The following ADAMTS9 variants were observed in gnomAD, a reference collection of about 807,000 sequenced individuals.
ADAMTS9 encodes the protein A disintegrin and metalloproteinase with thrombospondin motifs 9.
Under a neutral mutation model 257.1 loss-of-function variants are expected in ADAMTS9, and 107 were observed. The observed-to-expected ratio is 0.42, with a 90% CI of 0.36 to 0.49. ADAMTS9 has a LOEUF of 0.49. Ranked by LOEUF, ADAMTS9 falls within the 20% of genes least tolerant of loss-of-function variation. The pLI, the probability that ADAMTS9 is intolerant of heterozygous loss-of-function variation, is 0.03. For missense variants in ADAMTS9, 2,353 were observed against 2,469.1 expected, an observed-to-expected ratio of 0.95 and a Z score of 1.00; for synonymous variants, 982 against 880.9, an observed-to-expected ratio of 1.11 and a Z score of -2.03.
intron 3 of ADAMTS9, among the ~76,000 whole-genome samples, chr3:64,670,908 C>T (rs1701470055): frequency 1.3e-5 from 2 of 152,126 alleles, no homozygotes; most frequent in East Asian, 3.8e-4. Flanking sequence ...GGAAAGGATG[C>T]AGAGGAACTG....
At chr3:64,638,235 T>G (rs571769569) in intron 12 of ADAMTS9, among the ~76,000 whole-genome samples, 1 of 152,296 alleles carries the variant, frequency 6.6e-6, no homozygotes. Flanking sequence ...CGATTTTTGT[T>G]TTTGATGGAC....
At chr3:64,681,698 C>A (rs1450791598) in intron 2 of ADAMTS9, among the ~76,000 whole-genome samples, 1 of 152,170 alleles carries the variant, frequency 6.6e-6, no homozygotes, top group Admixed American at 6.5e-5. Flanking sequence ...TGCATGCCAT[C>A]ATGCCCAGCT....
intron 22 of ADAMTS9, among the ~76,000 whole-genome samples, chr3:64,611,149 A>G (rs1681346904): frequency 6.6e-6 from 1 of 151,962 alleles, no homozygotes; most frequent in Non-Finnish European, 1.5e-5. Flanking sequence ...TCCTAGATAC[A>G]CATCCAAAAG....
intron 23 of ADAMTS9, among the ~76,000 whole-genome samples, chr3:64,606,444 A>C (rs2106820414): frequency 6.6e-6 from 1 of 152,308 alleles, no homozygotes; most frequent in African/African-American, 2.4e-5. Context: ...ATACAGACAC[A>C]TACGTACATT....
Position 64,651,108 on chromosome 3 carries a change from G to A in ADAMTS9, c.1372C>T (p.Pro458Ser). 2 of 1,605,580 alleles carry A rather than the reference G, an allele frequency of 1.2e-6. No homozygotes were observed. Among genetic ancestry groups the A allele is most frequent in the Admixed American group, 1.7e-5 (1 of 58,156 alleles). The change falls in exon 9 of 40, where the codon CCC (proline) becomes TCC (serine). Residue 458 changes from proline to serine, a missense_variant. By Grantham distance (74) the Pro-to-Ser change is moderately conservative (BLOSUM62 -1). Around this residue, in one of 3 missense-constraint regions of ADAMTS9, gnomAD observed 591 missense variants for 569.6 expected, o/e 1.04. Transcript: ENST00000498707. ...NKCKEEGVKS[P>S]QHVMAPTLNF... is the part of the protein sequence containing the mutation. ...AGTGTTGGAGCCATGACATGCTGGGGACTCTTAACTCCTTCTTCTTTACAT... is the reference window on the plus strand; with the variant it reads ...AGTGTTGGAGCCATGACATGCTGGGAACTCTTAACTCCTTCTTCTTTACAT...
chr3:64,540,893 CAG>C (rs1291251837), intron 36 of ADAMTS9, among the ~76,000 whole-genome samples, 200 bp downstream of exon 36: 3 of 152,204 alleles, frequency 2.0e-5, no homozygotes, highest in African/African-American at 7.2e-5. Context: ...GGGAATACAG[CAG>C]TGAACAAAAG....
chr3:64,578,776 G>A (rs2083921688), intron 28 of ADAMTS9, among the ~76,000 whole-genome samples: 1 of 152,102 alleles, frequency 6.6e-6, no homozygotes, highest in African/African-American at 2.4e-5. Flanking sequence ...GGGAGTCATT[G>A]TGACCCCTTT....
chr3:64,568,683 G>T, intron 28 of ADAMTS9, 148 bp from the exon 29 acceptor site: 1 of 867,870 alleles, frequency 1.2e-6, no homozygotes. Flanking sequence ...ATATCTCAAG[G>T]CTTAATAGGG....
At chr3:64,553,026 A>G (rs1303311443) in intron 30 of ADAMTS9, among the ~76,000 whole-genome samples, 5 of 151,030 alleles carry the variant, frequency 3.3e-5, no homozygotes, top group African/African-American at 9.7e-5. Flanking sequence ...GATATGCCCT[A>G]TGTCTTTTTT....
intron 38 of ADAMTS9, among the ~76,000 whole-genome samples, chr3:64,522,893 G>T (rs1389415711): frequency 6.6e-6 from 1 of 152,222 alleles, no homozygotes; most frequent in Non-Finnish European, 1.5e-5. Context: ...GATGACAAAG[G>T]ATTGTGATTA....
Position 64,603,903 on chromosome 3 carries a change from A to C in ADAMTS9, c.3747+19T>G, listed in dbSNP as rs776523363. 1.8e-5 allele frequency: 29 copies of C among 1,612,364 alleles called. No homozygotes were observed. The highest frequency in any genetic ancestry group is 3.3e-5 in the Admixed American group (2 of 59,916). ...TGTTTCCCCCATTCCCCCTAATTCC[A>C]AATAATCCACTGGCTTACAGAGCTC... On this transcript the variant is annotated intron_variant, in intron 25 of 39. Coordinates refer to ENST00000498707, the MANE Select transcript of ADAMTS9 (RefSeq NM_182920.2).
intron 38 of ADAMTS9, among the ~76,000 whole-genome samples, chr3:64,523,196 G>A (rs1306626083): frequency 1.3e-5 from 2 of 152,096 alleles, no homozygotes; most frequent in East Asian, 3.9e-4. Context: ...AAGGACTATT[G>A]CTTGAAAAGC....
intron 30 of ADAMTS9, among the ~76,000 whole-genome samples, chr3:64,559,268 A>G (rs563307969): frequency 6.6e-6 from 1 of 152,124 alleles, no homozygotes; most frequent in Non-Finnish European, 1.5e-5. Context: ...CAGGCCTTGC[A>G]TGTATGGGAA....
chr3:64,667,890 A>G (rs1701388470), intron 3 of ADAMTS9, among the ~76,000 whole-genome samples: 1 of 152,250 alleles, frequency 6.6e-6, no homozygotes, highest in African/African-American at 2.4e-5. Flanking sequence ...GACACTTGAA[A>G]TAACTTGAGA....
chr3:64,654,483 A>G, intron 7 of ADAMTS9, 25 bp from the exon 8 acceptor site: 1 of 1,612,858 alleles, frequency 6.2e-7, no homozygotes, highest in Non-Finnish European at 8.5e-7. Flanking sequence ...AAAACCAACA[A>G]GGATTTACTC....
rs150655232 is a variant in ADAMTS9, at chr3:64,644,695, A to G, written c.1711-2702T>C. On this transcript the variant is annotated intron_variant, in intron 11 of 39. Coordinates refer to ENST00000498707, the MANE Select transcript of ADAMTS9 (RefSeq NM_182920.2). ...AGCCATTTTGTACCTTGAGGACAAA[A>G]TTAAGGAGTTTTCTGGAAATACATT... is the stretch of plus-strand genomic sequence containing the variant. Among the ~76,000 whole-genome samples, 974 of 152,326 alleles carry G rather than the reference A, an allele frequency of 6.4e-3. 14 individuals carry two copies. Among genetic ancestry groups the G allele is most frequent in the African/African-American group, 0.022 (921 of 41,570 alleles).
At position 64,606,941 on chromosome 3, in the gene ADAMTS9, T is replaced by C. The variant is rs1265016992; in HGVS notation, c.3474+19A>G. 1.9e-6 allele frequency: 3 copies of C among 1,612,914 alleles called. No individual in the cohort carries two copies. The highest frequency in any genetic ancestry group is 2.5e-6 in the Non-Finnish European group (3 of 1,179,422). ...TTGGTCCCCAAAGTCAATAACTGAG[T>C]TGGACAAAGGAAACTTACCTGGGTA... is the stretch of plus-strand genomic sequence containing the variant. On this transcript the variant is annotated intron_variant, in intron 23 of 39. Transcript: ENST00000498707.
At chr3:64,627,384 TG>T (rs1378613990) in intron 16 of ADAMTS9, among the ~76,000 whole-genome samples, 1 of 128,512 alleles carries the variant, frequency 7.8e-6, no homozygotes, top group African/African-American at 3.9e-5. Context: ...AATCATCAGA[TG>T]AAAAAAAAAA....
At chr3:64,618,989 T>C (rs538021963) in intron 19 of ADAMTS9, among the ~76,000 whole-genome samples, 1 of 152,302 alleles carries the variant, frequency 6.6e-6, no homozygotes, top group South Asian at 2.1e-4. Context: ...CACTTTGGAA[T>C]CTGCTCAAAG....
Sources: gnomAD v4.1 joint callset for allele counts (sites outside exome capture counted in the v4.1 genomes callset) on GRCh38, gnomAD v4.1.1 for gene constraint, gnomAD v4.1.1 regional missense constraint, MANE v1.5 for transcripts, NCBI Gene and HGNC (gene_info 2026-07-23, HGNC 2026-07-21) for gene names.